The following LARGE1 variants were observed in gnomAD, a reference collection of about 807,000 sequenced individuals.
LARGE1 encodes the protein LARGE xylosyl- and glucuronyltransferase 1.
A neutral mutation model predicts 87.6 loss-of-function variants in LARGE1; 43 were observed. That is an observed-to-expected ratio of 0.49 (90% CI 0.38 to 0.63). The LOEUF (loss-of-function observed/expected upper bound fraction) is 0.63, where lower values mean the gene tolerates loss of function less well. Among genes scored for constraint, LARGE1 ranks in the 30% least tolerant of loss-of-function variants. The pLI is 0.00. For synonymous variants in LARGE1, 434 were observed against 394.6 expected (o/e 1.10, Z -1.18); for missense variants, 802 against 1,000.2 (o/e 0.80, Z 2.67).
At chr22:33,124,225 G>C in the LARGE1 span, among the ~76,000 whole-genome samples, 20 of 151,852 alleles carry the variant, frequency 1.3e-4, no homozygotes, top group Non-Finnish European at 2.4e-4. Context: ...GAATCCAGGA[G>C]GCGGAGGTTG....
At position 33,886,671 on chromosome 22, in the gene LARGE1, AAAAG is replaced by A. The variant is rs1172106255; in HGVS notation, c.-83+33320_-83+33323del. On this transcript the variant is annotated intron_variant, in intron 1 of 14. Coordinates refer to ENST00000397394, the MANE Select transcript of LARGE1 (RefSeq NM_133642.5). ...GAGATTCTGCCAAAAAAAAAAAAAA[AAAAG>A]AAAAAAAAAGGAAGGGAGGGAGGGA... 1.5e-3 allele frequency among the ~76,000 whole-genome samples: 207 copies of A among 139,056 alleles called. 22 individuals are homozygous for A. Among genetic ancestry groups the A allele is most frequent in the East Asian group, 5.7e-3 (22 of 3,876 alleles). The allele number at this position is 139,056 out of a possible 152,430, so 91.2% of individuals were successfully genotyped here. A position where few individuals can be genotyped will look rare whatever the true frequency, so the allele number is the denominator to read the frequency against.
At chr22:33,922,271 T>TGGGGGGGGGGGGGGGG (rs1280019526), upstream of LARGE1, among the ~76,000 whole-genome samples, 2 of 17,114 alleles carry the variant, frequency 1.2e-4, no homozygotes, top group Admixed American at 5.4e-4. Flanking sequence ...GAGGTCGGGC[T>TGGGGGGGGGGGGGGGG]GGGGGGGTGG....
At chr22:33,130,131 G>A in the LARGE1 span, among the ~76,000 whole-genome samples, 50 of 151,360 alleles carry the variant, frequency 3.3e-4, no homozygotes, top group Admixed American at 3.0e-3. Flanking sequence ...TGGCTAACAC[G>A]GTGAAACCCC....
chr22:33,671,779 G>A (rs954973590), intron 2 of LARGE1, among the ~76,000 whole-genome samples: 1 of 152,180 alleles, frequency 6.6e-6, no homozygotes, highest in African/African-American at 2.4e-5. Context: ...GCATGTGGGA[G>A]TTATTGATAT....
chr22:33,573,022 T>G (rs893009064), intron 5 of LARGE1, among the ~76,000 whole-genome samples: 1 of 152,160 alleles, frequency 6.6e-6, no homozygotes, highest in Non-Finnish European at 1.5e-5. Flanking sequence ...TTTTCATCAG[T>G]AAATTGGGGC....
At chr22:33,810,775 C>T (rs1398410516) in intron 1 of LARGE1, among the ~76,000 whole-genome samples, 1 of 151,372 alleles carries the variant, frequency 6.6e-6, no homozygotes, top group African/African-American at 2.4e-5. Context: ...CCAGGCTGGA[C>T]TGCAATGGTG....
intron 6 of LARGE1, among the ~76,000 whole-genome samples, chr22:33,436,903 A>C (rs1368225146): frequency 2.0e-5 from 3 of 152,052 alleles, no homozygotes; most frequent in Non-Finnish European, 4.4e-5. Flanking sequence ...TAGATACTGA[A>C]GGACTCTAAA....
chr22:33,859,376 G>A (rs1005696037), intron 1 of LARGE1, among the ~76,000 whole-genome samples: 2 of 152,048 alleles, frequency 1.3e-5, no homozygotes, highest in African/African-American at 2.4e-5. Context: ...GGAAAACAAC[G>A]GGCACCCAAC....
At chr22:33,152,979 T>C in the LARGE1 span, among the ~76,000 whole-genome samples, 2 of 152,156 alleles carry the variant, frequency 1.3e-5, no homozygotes, top group Admixed American at 1.3e-4. Flanking sequence ...TCTTTTATTT[T>C]CCAGTGCTAG....
chr22:33,823,451 C>T (rs985681835), intron 1 of LARGE1, among the ~76,000 whole-genome samples: 3 of 152,198 alleles, frequency 2.0e-5, no homozygotes, highest in Non-Finnish European at 2.9e-5. Flanking sequence ...AGTTAACCAT[C>T]TTGCTATCTA....
chr22:33,432,982 C>G (rs1262536847), intron 6 of LARGE1, among the ~76,000 whole-genome samples: 1 of 152,234 alleles, frequency 6.6e-6, no homozygotes, highest in Non-Finnish European at 1.5e-5. Flanking sequence ...TCTGCTGCAT[C>G]TTAGCAACTT....
At chr22:33,797,343 C>T (rs1465862073) in intron 1 of LARGE1, among the ~76,000 whole-genome samples, 4 of 152,196 alleles carry the variant, frequency 2.6e-5, no homozygotes, top group African/African-American at 7.2e-5. Context: ...GTATTTTCTC[C>T]TCTTTCTTCT....
chr22:33,140,621 C>T, the LARGE1 span, among the ~76,000 whole-genome samples: 1 of 152,204 alleles, frequency 6.6e-6, no homozygotes. Context: ...GCTTTCATCT[C>T]TCTCCCATGC....
chr22:33,461,139 G>A (rs575884172), intron 6 of LARGE1, among the ~76,000 whole-genome samples: 2 of 152,214 alleles, frequency 1.3e-5, no homozygotes, highest in African/African-American at 4.8e-5. Flanking sequence ...AGGAAAATCT[G>A]TTTAATATAT....
At chr22:33,205,736 C>G (rs1405170974) in intron 11 of LARGE1, among the ~76,000 whole-genome samples, 1 of 152,064 alleles carries the variant, frequency 6.6e-6, no homozygotes, top group African/African-American at 2.4e-5. Flanking sequence ...TAGTACTACT[C>G]AAGAGGGGAG....
chr22:33,172,788 G>A (rs928958990), intron 11 of LARGE1, among the ~76,000 whole-genome samples: 1 of 152,106 alleles, frequency 6.6e-6, no homozygotes. Context: ...ATGAAATAAA[G>A]TGAGAAGACA....
At chr22:33,345,969 GA>G (rs1469074089) in intron 9 of LARGE1, among the ~76,000 whole-genome samples, 2 of 152,186 alleles carry the variant, frequency 1.3e-5, no homozygotes, top group Admixed American at 6.5e-5. Context: ...AAGTTACTGG[GA>G]TAAGAGGCAT....
chr22:33,479,071 A>C (rs1274447840), intron 6 of LARGE1, among the ~76,000 whole-genome samples: 1 of 152,146 alleles, frequency 6.6e-6, no homozygotes, highest in Non-Finnish European at 1.5e-5. Flanking sequence ...TTAAGCCTGA[A>C]TTCCTGAGGC....
intron 7 of LARGE1, among the ~76,000 whole-genome samples, chr22:33,388,760 T>C (rs2065413746): frequency 6.6e-6 from 1 of 151,790 alleles, no homozygotes; most frequent in South Asian, 2.1e-4. Flanking sequence ...AGAGATGGGG[T>C]TTCGCCATGT....
Sources: allele counts gnomAD v4.1 joint callset (sites outside exome capture counted in the v4.1 genomes callset), GRCh38; gene constraint gnomAD v4.1.1; transcripts MANE v1.5; gene names NCBI Gene and HGNC (gene_info 2026-07-23, HGNC 2026-07-21).